The following LRFN5 variants were observed in gnomAD, a reference collection of about 807,000 sequenced individuals.
LRFN5 encodes leucine-rich repeat and fibronectin type-III domain-containing protein 5.
LRFN5 carries 24 observed loss-of-function variants against 45.6 expected under a neutral mutation model. The observed-to-expected ratio is 0.53, with a 90% CI of 0.38 to 0.74. The LOEUF (loss-of-function observed/expected upper bound fraction) is 0.74, where lower values mean the gene tolerates loss of function less well. Among genes scored for constraint, LRFN5 ranks in the 30% least tolerant of loss-of-function variants. The pLI is 0.00. For synonymous variants in LRFN5, 340 were observed against 313.8 expected, an observed-to-expected ratio of 1.08 and a Z score of -0.88; for missense variants, 776 against 861.5, an observed-to-expected ratio of 0.90 and a Z score of 1.24.
intron 1 of LRFN5, among the ~76,000 whole-genome samples, chr14:41,756,310 T>C (rs1314142326): frequency 3.3e-5 from 5 of 152,316 alleles, no homozygotes; most frequent in African/African-American, 1.2e-4. Flanking sequence ...TGAATGTTGG[T>C]CTGCCTCGCT....
chr14:41,637,568 A>G (rs190903688), intron 1 of LRFN5, among the ~76,000 whole-genome samples: 71 of 152,228 alleles, frequency 4.7e-4, no homozygotes, highest in Middle Eastern at 3.4e-3. Context: ...TAGAATTGGA[A>G]TGATTCTATT....
At chr14:41,696,882 C>G (rs1442319602) in intron 1 of LRFN5, among the ~76,000 whole-genome samples, 1 of 151,852 alleles carries the variant, frequency 6.6e-6, no homozygotes, top group Non-Finnish European at 1.5e-5. Flanking sequence ...GAAAAGTGTT[C>G]ACCACATTGT....
At chr14:41,798,214 A>G (rs770779225) in intron 2 of LRFN5, among the ~76,000 whole-genome samples, 7 of 151,900 alleles carry the variant, frequency 4.6e-5, no homozygotes, top group Non-Finnish European at 8.8e-5. Context: ...CCATCTTCAG[A>G]TACTTTATGA....
chr14:41,871,628 C>T (rs568471673), intron 2 of LRFN5, among the ~76,000 whole-genome samples: 2 of 152,002 alleles, frequency 1.3e-5, no homozygotes, highest in East Asian at 1.9e-4. Context: ...AGGATGCTGT[C>T]AAGAAATTTC....
At chr14:41,867,690 C>T (rs79165134) in intron 2 of LRFN5, among the ~76,000 whole-genome samples, 1 of 152,104 alleles carries the variant, frequency 6.6e-6, no homozygotes, top group African/African-American at 2.4e-5. Flanking sequence ...TCCATCAGAT[C>T]TCTGCCATTT....
chr14:41,673,683 A>C (rs1594602909), intron 1 of LRFN5, among the ~76,000 whole-genome samples: 5 of 92,984 alleles, frequency 5.4e-5, no homozygotes, highest in South Asian at 4.1e-4. Flanking sequence ...TGACCCCCCC[A>C]CCTCCCTCCT....
At chr14:41,650,332 A>T (rs921763372) in intron 1 of LRFN5, among the ~76,000 whole-genome samples, 1 of 152,082 alleles carries the variant, frequency 6.6e-6, no homozygotes, top group African/African-American at 2.4e-5. Flanking sequence ...TAATATTAAT[A>T]TAAATTGCCA....
chr14:41,750,344 T>G (rs754770056), intron 1 of LRFN5, among the ~76,000 whole-genome samples: 23 of 149,986 alleles, frequency 1.5e-4, no homozygotes, highest in Non-Finnish European at 2.7e-4. Context: ...TATTTCTATA[T>G]AGAGAGAGAG....
chr14:41,823,013 C>T (rs1013646099), intron 2 of LRFN5, among the ~76,000 whole-genome samples: 24 of 151,344 alleles, frequency 1.6e-4, no homozygotes, highest in African/African-American at 5.8e-4. Flanking sequence ...TTTTTCCACC[C>T]GAGTCTATAA....
At chr14:41,619,947 T>C (rs926526849) in intron 1 of LRFN5, among the ~76,000 whole-genome samples, 4 of 152,072 alleles carry the variant, frequency 2.6e-5, no homozygotes, top group Non-Finnish European at 5.9e-5. Flanking sequence ...TAGCAATTAT[T>C]ATTATTATAT....
At chr14:41,792,491 A>T (rs1886960194) in intron 2 of LRFN5, among the ~76,000 whole-genome samples, 1 of 151,822 alleles carries the variant, frequency 6.6e-6, no homozygotes, top group Non-Finnish European at 1.5e-5. Flanking sequence ...CATAAAACAC[A>T]CACTCCCAGA....
Position 41,774,436 on chromosome 14 carries a change from G to A in LRFN5, c.-21+7407G>A, listed in dbSNP as rs189663322. On this transcript the variant is annotated intron_variant, in intron 2 of 5. Transcript: ENST00000298119. ...GAAAAACATTGGCAGTCTCTACAAA[G>A]GCTTCTTTTAGGATAATTCATGATT... is the stretch of plus-strand genomic sequence containing the variant. Among the ~76,000 whole-genome samples, 7 of 152,240 alleles carry A rather than the reference G, an allele frequency of 4.6e-5. No individual in the cohort carries two copies. The East Asian group carries it at 1.4e-3, about 29-fold the overall frequency.
At chr14:41,884,146 A>G (rs1890483463) in intron 2 of LRFN5, among the ~76,000 whole-genome samples, 1 of 152,172 alleles carries the variant, frequency 6.6e-6, no homozygotes, top group Non-Finnish European at 1.5e-5. Context: ...AAGACTGTTC[A>G]TACTTTGCCT....
chr14:41,734,137 C>T (rs1380337597), intron 1 of LRFN5, among the ~76,000 whole-genome samples: 9 of 142,180 alleles, frequency 6.3e-5, no homozygotes, highest in Non-Finnish European at 9.2e-5. Flanking sequence ...GCAATTCTCC[C>T]GCCTCAGCCT....
At chr14:41,778,878 A>G (rs1189132640) in intron 2 of LRFN5, among the ~76,000 whole-genome samples, 1 of 151,790 alleles carries the variant, frequency 6.6e-6, no homozygotes, top group African/African-American at 2.4e-5. Context: ...GTTTGTACTC[A>G]CTTACTAATG....
At chr14:41,678,165 T>A (rs541405731) in intron 1 of LRFN5, among the ~76,000 whole-genome samples, 1 of 152,036 alleles carries the variant, frequency 6.6e-6, no homozygotes, top group East Asian at 1.9e-4. Flanking sequence ...TGTGACAAAA[T>A]ACACTTAAGA....
chr14:41,666,817 G>T (rs1490293106), intron 1 of LRFN5, among the ~76,000 whole-genome samples: 1 of 152,082 alleles, frequency 6.6e-6, no homozygotes, highest in Non-Finnish European at 1.5e-5. Context: ...AGAAGTGCTA[G>T]CTAGATCTAA....
intron 2 of LRFN5, among the ~76,000 whole-genome samples, chr14:41,874,214 A>G (rs1291585828): frequency 3.9e-5 from 6 of 152,264 alleles, no homozygotes; most frequent in African/African-American, 1.4e-4. Flanking sequence ...TCCTGTGACC[A>G]TTGAAGCCTA....
At chr14:41,902,922 A>AC (rs1167210477) in intron 5 of LRFN5, among the ~76,000 whole-genome samples, 2 of 151,694 alleles carry the variant, frequency 1.3e-5, no homozygotes, top group Non-Finnish European at 3.0e-5. Flanking sequence ...AGTAATATAT[A>AC]CCATTACATT....
Sources: gnomAD v4.1 joint callset for allele counts (sites outside exome capture counted in the v4.1 genomes callset) on GRCh38, gnomAD v4.1.1 for gene constraint, MANE v1.5 for transcripts, NCBI Gene and HGNC (gene_info 2026-07-23, HGNC 2026-07-21) for gene names.